The following AGBL1 variants were observed in gnomAD, a reference collection of about 807,000 sequenced individuals.
The protein encoded by AGBL1 is cytosolic carboxypeptidase 4.
AGBL1 carries 130 observed loss-of-function variants against 118.9 expected under a neutral mutation model. The observed-to-expected ratio is 1.09, with a 90% CI of 0.95 to 1.26. The LOEUF is 1.26. Among genes scored for constraint, AGBL1 ranks in the 50% most tolerant of loss-of-function variants. The pLI is 0.00. For synonymous variants in AGBL1, 555 were observed against 478.9 expected, an observed-to-expected ratio of 1.16 and a Z score of -2.08; for missense variants, 1,584 against 1,298.1, an observed-to-expected ratio of 1.22 and a Z score of -3.38.
chr15:86,880,022 G>A (rs1287431040), intron 22 of AGBL1, among the ~76,000 whole-genome samples: 2 of 152,214 alleles, frequency 1.3e-5, no homozygotes, highest in African/African-American at 2.4e-5. Context: ...ACCTTGGCCT[G>A]AGACTAGTGG....
At position 86,748,510 on chromosome 15, in the gene AGBL1, C is replaced by CTTT. The variant is rs752203969; in HGVS notation, c.3158+74108_3158+74110dup. Among the ~76,000 whole-genome samples the CTTT allele has an allele frequency of 6.1e-4, 6 of 9,772 alleles. 1 individual carries two copies. The highest frequency in any genetic ancestry group is 1.3e-3 in the Non-Finnish European group (5 of 3,750). The allele number at this position is 9,772 out of a possible 152,430, so 6.4% of individuals were successfully genotyped here. A position where few individuals can be genotyped will look rare whatever the true frequency, so the allele number is the denominator to read the frequency against. On this transcript the variant is annotated intron_variant, in intron 22 of 22. Transcript: ENST00000614907. ...ATTAGATCCCATTTGTCAATTTTGG[C>CTTT]TTTTTTTTTTTTTTTTTTTTTTTTT...
chr15:86,771,564 G>A (rs928189103), intron 22 of AGBL1, among the ~76,000 whole-genome samples: 5 of 151,976 alleles, frequency 3.3e-5, no homozygotes, highest in Middle Eastern at 3.4e-3. Context: ...CCTAACCCCC[G>A]TATTTCCATG....
intron 21 of AGBL1, among the ~76,000 whole-genome samples, chr15:86,580,330 T>C (rs1433697439): frequency 6.6e-6 from 1 of 152,172 alleles, no homozygotes; most frequent in Non-Finnish European, 1.5e-5. Flanking sequence ...GAAAGTATAC[T>C]TTTGGCTGAA....
At chr15:86,198,951 AAT>A (rs1239852715) in intron 5 of AGBL1, among the ~76,000 whole-genome samples, 4 of 152,200 alleles carry the variant, frequency 2.6e-5, no homozygotes, top group Non-Finnish European at 4.4e-5. Context: ...TCTAGAAAAA[AAT>A]GAGATTCCTC....
chr15:86,722,611 T>C (rs974049189), intron 22 of AGBL1, among the ~76,000 whole-genome samples: 12 of 150,644 alleles, frequency 8.0e-5, no homozygotes, highest in Non-Finnish European at 1.5e-4. Context: ...GGACTTCCTG[T>C]CTAAAACACC....
At chr15:86,556,234 G>T in intron 21 of AGBL1, 2 of 1,613,040 alleles carry the variant, frequency 1.2e-6, no homozygotes, top group Non-Finnish European at 8.5e-7. Context: ...GTACACAGAG[G>T]CTGTTGGAGA....
intron 22 of AGBL1, among the ~76,000 whole-genome samples, chr15:86,765,939 C>G (rs1309276378): frequency 6.6e-6 from 1 of 151,902 alleles, no homozygotes; most frequent in Non-Finnish European, 1.5e-5. Flanking sequence ...TAGTCAGCAA[C>G]TATTTTCCTT....
chr15:86,087,491 G>C (rs1232212252), intron 1 of AGBL1, among the ~76,000 whole-genome samples: 2 of 152,102 alleles, frequency 1.3e-5, no homozygotes, highest in African/African-American at 4.8e-5. Flanking sequence ...ACCATCCCTA[G>C]CTAATTTTTG....
At chr15:86,399,027 A>G (rs1826743855) in intron 18 of AGBL1, among the ~76,000 whole-genome samples, 1 of 152,086 alleles carries the variant, frequency 6.6e-6, no homozygotes, top group African/African-American at 2.4e-5. Context: ...ATTTGAGGGC[A>G]GAGAATGTTG....
At chr15:86,547,438 TTAAA>T (rs2083598263) in intron 20 of AGBL1, among the ~76,000 whole-genome samples, 1 of 152,084 alleles carries the variant, frequency 6.6e-6, no homozygotes, top group Admixed American at 6.6e-5. Context: ...CACAGAACCT[TTAAA>T]AAGTCTCCTG....
intron 17 of AGBL1, among the ~76,000 whole-genome samples, chr15:86,326,190 T>C (rs941127437): frequency 3.3e-5 from 5 of 152,134 alleles, no homozygotes; most frequent in Non-Finnish European, 5.9e-5. Context: ...CTTTTTTTTT[T>C]CATTTTGTTC....
At chr15:86,811,408 C>T (rs950242756) in intron 22 of AGBL1, among the ~76,000 whole-genome samples, 4 of 152,182 alleles carry the variant, frequency 2.6e-5, no homozygotes, top group South Asian at 4.2e-4. Flanking sequence ...TGGATGTGAC[C>T]GTGGTTCTTT....
At chr15:86,371,768 G>C (rs1474280191) in intron 17 of AGBL1, among the ~76,000 whole-genome samples, 1 of 152,102 alleles carries the variant, frequency 6.6e-6, no homozygotes, top group Non-Finnish European at 1.5e-5. Flanking sequence ...ACAAAGGGGT[G>C]GTGTGGTGAG....
At chr15:86,921,506 T>C (rs956822758) in intron 23 of AGBL1, among the ~76,000 whole-genome samples, 1 of 152,230 alleles carries the variant, frequency 6.6e-6, no homozygotes, top group African/African-American at 2.4e-5. Context: ...TACTGTTACC[T>C]TCTTGCTTAT....
intron 17 of AGBL1, among the ~76,000 whole-genome samples, chr15:86,337,335 A>G (rs2080387674): frequency 6.7e-6 from 1 of 150,278 alleles, no homozygotes; most frequent in Non-Finnish European, 1.5e-5. Flanking sequence ...TATTAGTTCT[A>G]GAAAAGAAAA....
intron 1 of AGBL1, among the ~76,000 whole-genome samples, chr15:86,093,548 C>A (rs1203084397): frequency 6.6e-6 from 1 of 152,074 alleles, no homozygotes; most frequent in Non-Finnish European, 1.5e-5. Context: ...TGACAGTGAA[C>A]TACAATCTAC....
intron 17 of AGBL1, among the ~76,000 whole-genome samples, chr15:86,336,012 A>G (rs977050795): frequency 2.6e-5 from 4 of 152,214 alleles, no homozygotes; most frequent in Non-Finnish European, 5.9e-5. Flanking sequence ...AATGTGCTGT[A>G]TTGTGAAGGT....
rs374001216 is a variant in AGBL1 at position 86,264,551 on chromosome 15, G to A, written c.1380G>A (p.Gln460=). Residue 460 remains glutamine (Q), a synonymous_variant, in exon 11 of 23, where the codon CAG becomes CAA. Transcript: ENST00000614907. The part of the protein sequence containing the change: ...DSSESEIPDI[Q]ASPKADAWDV... ...CTGAAAGTGAAATCCCTGACATTCA[G>A]GCTTCCCCGAAAGCAGATGCCTGGG... is the stretch of plus-strand genomic sequence containing the variant. 3.7e-5 allele frequency: 59 copies of A among 1,613,904 alleles called. No individual in the cohort carries two copies. The African/African-American group carries it at 7.2e-4, about 20-fold the overall frequency.
At chr15:86,275,232 T>A (rs1401923649) in intron 15 of AGBL1, among the ~76,000 whole-genome samples, 5 of 152,192 alleles carry the variant, frequency 3.3e-5, no homozygotes, top group African/African-American at 1.2e-4. Context: ...CAACGGCTGA[T>A]CTCTTCTGAC....
Sources: allele counts gnomAD v4.1 joint callset (sites outside exome capture counted in the v4.1 genomes callset), GRCh38; gene constraint gnomAD v4.1.1; transcripts MANE v1.5; gene names NCBI Gene and HGNC (gene_info 2026-07-23, HGNC 2026-07-21).